PCGF3: variants seen among roughly 807,000 people sequenced by gnomAD.
PCGF3 encodes polycomb group ring finger 3.
PCGF3 carries 7 observed loss-of-function variants against 33.1 expected under a neutral mutation model. That is an observed-to-expected ratio of 0.21 (90% CI 0.12 to 0.40). The LOEUF is 0.40. PCGF3 is among the 10% of genes least tolerant of loss of function. PCGF3 has a pLI of 1.00. For missense variants in PCGF3, 211 were observed against 313.3 expected, an observed-to-expected ratio of 0.67 and a Z score of 2.46; for synonymous variants, 153 against 121.3, an observed-to-expected ratio of 1.26 and a Z score of -1.72.
chr4:733,265 G>A (rs1004364046), intron 3 of PCGF3, among the ~76,000 whole-genome samples: 1 of 152,232 alleles, frequency 6.6e-6, no homozygotes, highest in East Asian at 1.9e-4. Context: ...GGTGCCCAGA[G>A]CCTGCCCATC....
At chr4:727,005 G>A (rs536335195) in intron 1 of PCGF3, among the ~76,000 whole-genome samples, 7 of 152,278 alleles carry the variant, frequency 4.6e-5, no homozygotes, top group South Asian at 2.1e-4. Flanking sequence ...GTGTGGGAAC[G>A]TGTGTGCGCT....
rs1445921850 is a variant in PCGF3, at chr4:766,105, T to C, written c.*26T>C. 4.3e-6 allele frequency: 7 copies of C among 1,611,158 alleles called. No homozygotes were observed. In the Admixed American group the frequency reaches 1.0e-4, roughly 23 times the overall value. On this transcript the variant is annotated 3_prime_UTR_variant, in exon 11 of 11. Transcript: ENST00000362003. ...ATGGTGCCACACAGCGCCCACAGAC[T>C]GGGCCCTCGCACCCTTGGGTGCTCC...
At chr4:760,862 A>G (rs1321400763) in intron 8 of PCGF3, among the ~76,000 whole-genome samples, 1 of 152,180 alleles carries the variant, frequency 6.6e-6, no homozygotes, top group Non-Finnish European at 1.5e-5. Context: ...GGCCCTGCTC[A>G]AGGCTTCTCC....
At chr4:764,757 A>G (rs1440825515) in intron 9 of PCGF3, 17 of 516,636 alleles carry the variant, frequency 3.3e-5, no homozygotes, top group South Asian at 2.0e-4. Context: ...GTAATATCTT[A>G]TATGTTGCAC....
chr4:743,560 C>A lies in PCGF3; in HGVS notation c.349C>A (p.Gln117Lys), dbSNP rs1423252969. The change falls in exon 7 of 11, where the codon CAG becomes AAG. Residue 117 changes from glutamine (Q) to lysine (K), a missense_variant. By Grantham distance (53) the Gln-to-Lys change is moderately conservative. Around this residue, in one of 3 missense-constraint regions of PCGF3, gnomAD observed 95 missense variants for 83.0 expected, o/e 1.14. Coordinates refer to ENST00000362003, the Ensembl canonical transcript of PCGF3. ...CAAGGGGGAGACCTGCTCTGCAAAA[C>A]AGCACTTAGATTCCCATCGGAATGG... 7 of 1,610,092 alleles carry A rather than the reference C, an allele frequency of 4.3e-6. No homozygotes were observed. Among genetic ancestry groups the A allele is most frequent in the Non-Finnish European group, 5.9e-6 (7 of 1,176,544 alleles).
At chr4:731,237 C>A in intron 3 of PCGF3, 127 bp downstream of exon 3, 1 of 398,566 alleles carries the variant, frequency 2.5e-6, no homozygotes, top group South Asian at 1.3e-4. Flanking sequence ...GTTCACGGTT[C>A]ACTGCCGAGT....
rs1743761298 is a variant in PCGF3, at chr4:734,815, C to T, written c.110-116C>T. ...AAGCTGAGAGCCACAAGGAGGACAG[C>T]AGTGAGCATCTGCACAGAAACGAGC... is the stretch of plus-strand genomic sequence containing the variant. On this transcript the variant is annotated intron_variant, in intron 4 of 10. Transcript: ENST00000362003. The T allele has an allele frequency of 2.0e-6, 3 of 1,467,146 alleles. No homozygotes were observed. The African/African-American group carries it at 4.2e-5, about 21-fold the overall frequency. The allele number at this position is 1,467,146 out of a possible 1,614,324, so 90.9% of individuals were successfully genotyped here. A position where few individuals can be genotyped will look rare whatever the true frequency, so the allele number is the denominator to read the frequency against.
At chr4:749,476 C>CTTTTTTTTTTTTTTTTTTTTTTTTTT (rs71640348) in intron 8 of PCGF3, among the ~76,000 whole-genome samples, 5 of 75,496 alleles carry the variant, frequency 6.6e-5, no homozygotes, top group African/African-American at 1.1e-4. Context: ...ATTTTCTTTC[C>CTTTTTTTTTTTTTTTTTTTTTTTTTT]TTTTTTTTTT....
exon 11 of PCGF3, chr4:769,396 ATAAGT>A (rs569949416): frequency 2.6e-5 from 4 of 152,842 alleles, no homozygotes; most frequent in South Asian, 2.1e-4. Context: ...AACATGGAAA[ATAAGT>A]TTAGTGCACA....
At chr4:728,222 G>C (rs527763036) in intron 1 of PCGF3, among the ~76,000 whole-genome samples, 1 of 152,148 alleles carries the variant, frequency 6.6e-6, no homozygotes, top group Non-Finnish European at 1.5e-5. Context: ...GAAAATGTTT[G>C]GGAACCAAAA....
chr4:755,127 C>T lies in PCGF3; in HGVS notation c.463-6152C>T, dbSNP rs142689563. Among the ~76,000 whole-genome samples, 761 of 152,340 alleles carry T rather than the reference C, an allele frequency of 5.0e-3. 2 individuals are homozygous for T. The highest frequency in any genetic ancestry group is 0.013 in the South Asian group (65 of 4,826). On this transcript the variant is annotated intron_variant, in intron 8 of 10. Coordinates refer to ENST00000362003, the Ensembl canonical transcript of PCGF3. ...TGACTGCTGTGTGCACACAGGCCCG[C>T]GTGGTGTCGCAGAGCACACGGCGTT...
chr4:718,433 T>C (rs4076064), intron 1 of PCGF3, among the ~76,000 whole-genome samples: 45,370 of 152,098 alleles, frequency 0.3, 8,197 homozygotes, highest in African/African-American at 0.51. Flanking sequence ...GGTCCCACCT[T>C]AGTGAATGTA....
exon 4 of PCGF3, chr4:733,773 C>T (rs759082864): frequency 3.2e-5 from 51 of 1,613,488 alleles, no homozygotes; most frequent in Admixed American, 2.2e-4. Flanking sequence ...CCACGGTGAC[C>T]GAGTGTCTGC....
intron 3 of PCGF3, among the ~76,000 whole-genome samples, chr4:731,656 G>T (rs34263090): frequency 0.013 from 562 of 43,636 alleles, 42 homozygotes; most frequent in East Asian, 0.026. Context: ...GGGCTCCCCC[G>T]CCCCTCGTGG....
chr4:761,353 G>C (rs764173690), exon 9 of PCGF3: 4 of 1,612,444 alleles, frequency 2.5e-6, no homozygotes. Flanking sequence ...GCTCAGCCCA[G>C]GCGACCGTCT....
At chr4:763,665 A>G (rs1745194240) in intron 9 of PCGF3, among the ~76,000 whole-genome samples, 1 of 152,158 alleles carries the variant, frequency 6.6e-6, no homozygotes, top group African/African-American at 2.4e-5. Context: ...GCTGCTGACA[A>G]CACGAAACAC....
chr4:749,363 C>T (rs888744423), intron 8 of PCGF3, among the ~76,000 whole-genome samples: 3 of 151,666 alleles, frequency 2.0e-5, no homozygotes, highest in African/African-American at 7.3e-5. Context: ...GGGGTTTCTC[C>T]ATGTTGGTCA....
exon 11 of PCGF3, chr4:766,910 CGT>C (rs1745403839): frequency 6.6e-6 from 1 of 152,310 alleles, no homozygotes. Flanking sequence ...TGAGTGCCGC[CGT>C]TTGGTTTCCT....
At chr4:764,273 T>G (rs1745235016) in intron 9 of PCGF3, among the ~76,000 whole-genome samples, 2 of 152,324 alleles carry the variant, frequency 1.3e-5, no homozygotes. Context: ...GCTGTAAACC[T>G]TAAATTGTTC....
Sources: allele counts gnomAD v4.1 joint callset (sites outside exome capture counted in the v4.1 genomes callset), GRCh38; gene constraint gnomAD v4.1.1; regional missense constraint gnomAD v4.1.1; transcripts MANE v1.5; gene names NCBI Gene and HGNC (gene_info 2026-07-23, HGNC 2026-07-21).